DOCK1: variants seen among roughly 807,000 people sequenced by gnomAD.
DOCK1 encodes the protein dedicator of cytokinesis 1, also known as dedicator of cytokinesis protein 1.
DOCK1 carries 138 observed loss-of-function variants against 262.7 expected under a neutral mutation model. The observed-to-expected ratio is 0.53, with a 90% CI of 0.46 to 0.61. The LOEUF (loss-of-function observed/expected upper bound fraction) is 0.61. Ranked by LOEUF, DOCK1 falls within the 20% of genes least tolerant of loss-of-function variation. The probability of loss-of-function intolerance (pLI) is 0.00; values close to 1 mark genes in which losing one functional copy is unlikely to be tolerated. For missense variants in DOCK1, 1,908 were observed against 2,370.7 expected (o/e 0.80, Z 4.05); for synonymous variants, 866 against 867.4 (o/e 1.00, Z 0.03).
Position 126,995,164 on chromosome 10 carries a change from C to T in DOCK1, c.474-1584C>T, listed in dbSNP as rs2040086453. On this transcript the variant is annotated intron_variant, in intron 6 of 51. Coordinates refer to ENST00000623213, the MANE Select transcript of DOCK1 (RefSeq NM_001290223.2). The surrounding 1 kb of genome is among the most constrained non-coding windows in gnomAD (Gnocchi z 5.8). ...CGCTCCTCACTTCTAGACGGGATGA[C>T]GGCCGGGAAGAGGCGCTCCTCACTT... Among the ~76,000 whole-genome samples, 1 of 151,544 alleles carries T rather than the reference C, an allele frequency of 6.6e-6. No homozygotes were observed. The highest frequency in any genetic ancestry group is 2.1e-4 in the South Asian group (1 of 4,812).
intron 23 of DOCK1, among the ~76,000 whole-genome samples, chr10:127,096,688 A>G (rs1489986030): frequency 6.6e-6 from 1 of 151,728 alleles, no homozygotes; most frequent in Non-Finnish European, 1.5e-5. Context: ...TTAGCCAGAG[A>G]GACACTTACA....
At position 127,175,569 on chromosome 10, in the gene DOCK1, G is replaced by A. The variant is rs1393409876; in HGVS notation, c.2847+47805G>A. 3 of 1,611,838 alleles carry A rather than the reference G, an allele frequency of 1.9e-6. No homozygotes were observed. The highest frequency in any genetic ancestry group is 3.3e-5 in the Admixed American group (2 of 59,998). On this transcript the variant is annotated intron_variant, in intron 27 of 51. Coordinates refer to ENST00000623213, the MANE Select transcript of DOCK1 (RefSeq NM_001290223.2). This position sits in a 1 kb window ranked among gnomAD's most constrained non-coding sequence, Gnocchi z 6.3. ...TGCCGGGCAGAGTGACCACTGGCTGGCGGCTGCAGAGTCTGACAAACCAGG... is the reference window on the plus strand; with the variant it reads ...TGCCGGGCAGAGTGACCACTGGCTGACGGCTGCAGAGTCTGACAAACCAGG...
At chr10:127,421,143 T>A (rs1389804210) in intron 46 of DOCK1, among the ~76,000 whole-genome samples, 1 of 152,070 alleles carries the variant, frequency 6.6e-6, no homozygotes, top group Non-Finnish European at 1.5e-5. Flanking sequence ...GGTCTTGAAC[T>A]CCTGACCTCA....
Position 127,439,185 on chromosome 10 carries a change from T to A in DOCK1, c.5219T>A (p.Ile1740Asn). 6.2e-7 allele frequency: 1 copy of A among 1,611,938 alleles called. No homozygotes were observed. Among genetic ancestry groups the A allele is most frequent in the Non-Finnish European group, 8.5e-7 (1 of 1,179,132 alleles). ...GAGAAAGAATTTAAACCCACCGACA[T>A]TTCCCTGCAGCAGTCTGAGGCTGTG... Reference protein sequence around the residue: ...IFEKEFKPTDISLQQSEAVIL... With the variant: ...IFEKEFKPTDNSLQQSEAVIL... Residue 1740 changes from isoleucine to asparagine, a missense_variant, in exon 49 of 52, where the codon ATT becomes AAT. This residue lies in a region of DOCK1 where 383 missense variants were observed against 420.1 expected (regional missense o/e 0.91). Transcript: ENST00000623213.
chr10:127,281,317 G>A (rs1014042400), intron 29 of DOCK1, among the ~76,000 whole-genome samples: 5 of 152,210 alleles, frequency 3.3e-5, no homozygotes, highest in Non-Finnish European at 4.4e-5. Context: ...ATGGGCTCAA[G>A]TAGTTTTGTG....
chr10:127,166,301 G>A (rs1395095287), intron 27 of DOCK1, among the ~76,000 whole-genome samples: 1 of 151,992 alleles, frequency 6.6e-6, no homozygotes, highest in South Asian at 2.1e-4. Context: ...TCCTGACCTC[G>A]TGATCCACCC....
chr10:127,339,548 GC>G (rs1045303851), intron 30 of DOCK1, among the ~76,000 whole-genome samples: 1 of 150,248 alleles, frequency 6.7e-6, no homozygotes, highest in African/African-American at 2.5e-5. Flanking sequence ...CAGAGACCCT[GC>G]CCCCCAGACC....
chr10:127,084,625 CA>C (rs1175120652), intron 23 of DOCK1, among the ~76,000 whole-genome samples: 3 of 152,236 alleles, frequency 2.0e-5, no homozygotes, highest in African/African-American at 7.2e-5. Flanking sequence ...AATGTCTGCA[CA>C]AAATGTACTT....
rs114720837 is a variant in DOCK1, at chr10:127,184,773, C to T, written c.2847+57009C>T. 4.8e-3 allele frequency among the ~76,000 whole-genome samples: 738 copies of T among 152,230 alleles called. 6 individuals are homozygous for T. Among genetic ancestry groups the T allele is most frequent in the African/African-American group, 0.017 (703 of 41,542 alleles). ...CTTCCACTGGTTCATTTTCCAGGAC[C>T]GCGCCCTGGTCCTCCTTCCTCATGG... is the stretch of plus-strand genomic sequence containing the variant. On this transcript the variant is annotated intron_variant, in intron 27 of 51. Coordinates refer to ENST00000623213, the MANE Select transcript of DOCK1 (RefSeq NM_001290223.2).
chr10:127,421,028 T>A (rs190789776), intron 46 of DOCK1, among the ~76,000 whole-genome samples: 1 of 152,060 alleles, frequency 6.6e-6, no homozygotes, highest in African/African-American at 2.4e-5. Flanking sequence ...GTGATTCTCC[T>A]GCCTTAGCCT....
chr10:127,299,150 G>A (rs1303386369), intron 29 of DOCK1, among the ~76,000 whole-genome samples: 1 of 152,184 alleles, frequency 6.6e-6, no homozygotes, highest in African/African-American at 2.4e-5. Context: ...TCAGGCTGGA[G>A]TACAATAGCA....
At chr10:127,185,959 C>T (rs1042209745) in intron 27 of DOCK1, among the ~76,000 whole-genome samples, 1 of 152,166 alleles carries the variant, frequency 6.6e-6, no homozygotes, top group South Asian at 2.1e-4. Context: ...TTATATTACT[C>T]AACTTTCTTC....
At chr10:127,031,523 A>T in intron 16 of DOCK1, 127 bp from the exon 17 acceptor site, 1 of 652,010 alleles carries the variant, frequency 1.5e-6, no homozygotes, top group Middle Eastern at 3.1e-4. Context: ...TTATTAGATT[A>T]GCTTTAATAC....
At chr10:127,125,398 G>A in intron 25 of DOCK1, 76 bp from the exon 26 acceptor site, 2 of 1,591,372 alleles carry the variant, frequency 1.3e-6, no homozygotes, top group South Asian at 1.1e-5. Flanking sequence ...GCTTGAAAGG[G>A]CAGACAAGCT....
At chr10:127,008,450 C>T (rs114422858) in intron 10 of DOCK1, among the ~76,000 whole-genome samples, 131 of 152,276 alleles carry the variant, frequency 8.6e-4, no homozygotes, top group African/African-American at 3.0e-3. Context: ...TCCATCATTA[C>T]AGAAAGTTCT....
intron 27 of DOCK1, among the ~76,000 whole-genome samples, chr10:127,211,415 C>A: frequency 6.6e-6 from 1 of 152,194 alleles, no homozygotes; most frequent in East Asian, 1.9e-4. Context: ...CTGCCCTTAG[C>A]AAAGCTGCCG....
chr10:126,975,532 G>A (rs1193844730), intron 2 of DOCK1, among the ~76,000 whole-genome samples: 1 of 152,082 alleles, frequency 6.6e-6, no homozygotes, highest in Admixed American at 6.5e-5. Flanking sequence ...TCATTTCTCT[G>A]ACTATTATTA....
intron 31 of DOCK1, among the ~76,000 whole-genome samples, chr10:127,351,437 G>A (rs2063875070): frequency 6.6e-6 from 1 of 152,224 alleles, no homozygotes; most frequent in Non-Finnish European, 1.5e-5. Flanking sequence ...AAAGCACTTT[G>A]AAAGATGTGA....
At chr10:126,968,686 G>A (rs1207678098) in intron 1 of DOCK1, among the ~76,000 whole-genome samples, 1 of 152,132 alleles carries the variant, frequency 6.6e-6, no homozygotes, top group Non-Finnish European at 1.5e-5. Flanking sequence ...AACAGAATAG[G>A]TGTGCTGGCA....
Sources: gnomAD v4.1 joint callset for allele counts (sites outside exome capture counted in the v4.1 genomes callset) on GRCh38, gnomAD v4.1.1 for gene constraint, gnomAD v4.1.1 regional missense constraint, Gnocchi (gnomAD v3.1) non-coding constraint, MANE v1.5 for transcripts, NCBI Gene and HGNC (gene_info 2026-07-23, HGNC 2026-07-21) for gene names.